Variants in FOXP1 observed in about 807,000 individuals in gnomAD.
The protein encoded by FOXP1 is forkhead box P1.
Under a neutral mutation model 98.2 loss-of-function variants are expected in FOXP1, and 15 were observed. The ratio of observed to expected loss-of-function variants is 0.15; its 90% CI spans 0.10 to 0.24. The LOEUF is 0.24. Ranked by LOEUF, FOXP1 falls within the 10% of genes least tolerant of loss-of-function variation. The pLI, the probability that FOXP1 is intolerant of heterozygous loss-of-function variation, is 1.00. For missense variants in FOXP1, 633 were observed against 848.5 expected (o/e 0.75, Z 3.15); for synonymous variants, 371 against 314.5 (o/e 1.18, Z -1.90).
At chr3:71,507,028 G>A (rs1276558666) in intron 2 of FOXP1, among the ~76,000 whole-genome samples, 1 of 152,084 alleles carries the variant, frequency 6.6e-6, no homozygotes, top group Non-Finnish European at 1.5e-5. Context: ...TCTTTGCTTG[G>A]ACCACACAAC....
At chr3:71,162,189 G>C (rs1250816027) in intron 6 of FOXP1, among the ~76,000 whole-genome samples, 3 of 152,188 alleles carry the variant, frequency 2.0e-5, no homozygotes, top group African/African-American at 7.2e-5. Flanking sequence ...CTGCTGAACA[G>C]GTAGCTCCTC....
intron 2 of FOXP1, among the ~76,000 whole-genome samples, chr3:71,498,925 C>G (rs910276230): frequency 2.0e-5 from 3 of 152,204 alleles, no homozygotes; most frequent in Non-Finnish European, 4.4e-5. Context: ...GCTCTATCCC[C>G]ACCCTGAAGA....
chr3:71,370,396 A>T (rs1200099389), intron 3 of FOXP1, among the ~76,000 whole-genome samples: 2 of 152,212 alleles, frequency 1.3e-5, no homozygotes, highest in Non-Finnish European at 2.9e-5. Context: ...AAATAGTACC[A>T]TGAGAAACGA....
intron 5 of FOXP1, among the ~76,000 whole-genome samples, chr3:71,254,719 T>C (rs1388701167): frequency 6.6e-6 from 1 of 152,224 alleles, no homozygotes; most frequent in Non-Finnish European, 1.5e-5. Context: ...TTTTCACATG[T>C]ACACTGGATT....
chr3:71,475,336 T>G (rs2089734964), intron 3 of FOXP1, among the ~76,000 whole-genome samples: 1 of 152,102 alleles, frequency 6.6e-6, no homozygotes, highest in Non-Finnish European at 1.5e-5. Flanking sequence ...TTTTAAGAAG[T>G]AATGATTAGC....
chr3:71,086,746 A>G (rs1181637293), intron 7 of FOXP1, among the ~76,000 whole-genome samples: 2 of 152,238 alleles, frequency 1.3e-5, no homozygotes, highest in African/African-American at 4.8e-5. Flanking sequence ...CCCAGAGGAA[A>G]GCAGAAAACC....
intron 3 of FOXP1, among the ~76,000 whole-genome samples, chr3:71,403,352 T>A (rs2082073268): frequency 6.6e-6 from 1 of 152,324 alleles, no homozygotes; most frequent in South Asian, 2.1e-4. Flanking sequence ...CAAAAAATGA[T>A]GTGGCTCATC....
intron 6 of FOXP1, chr3:71,130,613 A>G (rs2059513386): frequency 6.3e-7 from 1 of 1,598,234 alleles, no homozygotes; most frequent in Admixed American, 1.7e-5. Context: ...CGAGTGGTAA[A>G]AAAGATGTTT....
chr3:71,386,635 C>T (rs1374461412), intron 3 of FOXP1, among the ~76,000 whole-genome samples: 2 of 148,844 alleles, frequency 1.3e-5, no homozygotes, highest in South Asian at 2.1e-4. Flanking sequence ...CCCAGCTACT[C>T]GGGAGGCTGA....
At chr3:71,340,336 A>G (rs2076939418) in intron 4 of FOXP1, among the ~76,000 whole-genome samples, 2 of 152,248 alleles carry the variant, frequency 1.3e-5, no homozygotes, top group African/African-American at 4.8e-5. Context: ...CATTGAGTGT[A>G]TGGAGATGTT....
At chr3:70,972,479 A>G in intron 18 of FOXP1, 76 bp downstream of exon 18, 2 of 1,592,394 alleles carry the variant, frequency 1.3e-6, no homozygotes, top group Non-Finnish European at 8.6e-7. Context: ...AACACCATCT[A>G]GCAGCCAAAG....
At chr3:71,189,593 T>C (rs942201925) in intron 6 of FOXP1, among the ~76,000 whole-genome samples, 1 of 152,216 alleles carries the variant, frequency 6.6e-6, no homozygotes, top group African/African-American at 2.4e-5. Flanking sequence ...TGCCTCTCTC[T>C]TTCTGTTTCA....
At chr3:71,045,507 T>C (rs1330794002) in intron 10 of FOXP1, among the ~76,000 whole-genome samples, 1 of 152,202 alleles carries the variant, frequency 6.6e-6, no homozygotes, top group Non-Finnish European at 1.5e-5. Flanking sequence ...ACACACGCTA[T>C]GACATTCTGC....
At chr3:71,065,230 G>T (rs1363459094) in intron 7 of FOXP1, among the ~76,000 whole-genome samples, 1 of 151,942 alleles carries the variant, frequency 6.6e-6, no homozygotes. Context: ...GGCTCGGCGC[G>T]CACCGCTCCC....
chr3:71,256,052 G>C (rs1473252106), intron 5 of FOXP1, among the ~76,000 whole-genome samples: 1 of 152,164 alleles, frequency 6.6e-6, no homozygotes, highest in Non-Finnish European at 1.5e-5. Context: ...GTTGGACGAA[G>C]GTCTTCAGCA....
At chr3:71,022,328 G>A (rs1052055152) in intron 11 of FOXP1, among the ~76,000 whole-genome samples, 1 of 152,034 alleles carries the variant, frequency 6.6e-6, no homozygotes, top group Non-Finnish European at 1.5e-5. Context: ...CCAACATACT[G>A]CTCATGTTTT....
rs552537505 is a variant in FOXP1 at position 71,582,268 on chromosome 3, C to A, written c.-446-571G>T. On this transcript the variant is annotated intron_variant, in intron 1 of 20. Coordinates refer to ENST00000649528, the MANE Select transcript of FOXP1 (RefSeq NM_001349338.3). ...AGAAGAAGGAATCTAAGTTTCCGAGCGCGACGTTGTCTGAAAAGGAGGGAG... is the reference window on the plus strand; with the variant it reads ...AGAAGAAGGAATCTAAGTTTCCGAGAGCGACGTTGTCTGAAAAGGAGGGAG... 99 of 984,082 alleles carry A rather than the reference C, an allele frequency of 1.0e-4. No individual in the cohort carries two copies. In the African/African-American group the frequency reaches 1.6e-3, roughly 16 times the overall value. The allele number at this position is 984,082 out of a possible 1,614,324, so 61.0% of individuals were successfully genotyped here.
chr3:71,302,631 T>A (rs115347742), intron 4 of FOXP1: 1 of 152,122 alleles, frequency 6.6e-6, no homozygotes, highest in Non-Finnish European at 1.5e-5. Flanking sequence ...TTTCTCTTTC[T>A]TTTTTAAGTT....
At chr3:71,034,043 G>A (rs944603142) in intron 11 of FOXP1, among the ~76,000 whole-genome samples, 8 of 152,106 alleles carry the variant, frequency 5.3e-5, no homozygotes, top group South Asian at 2.1e-4. Flanking sequence ...TCCTCTTTCC[G>A]GTCCCCTACA....
Sources: gnomAD v4.1 joint callset for allele counts (sites outside exome capture counted in the v4.1 genomes callset) on GRCh38, gnomAD v4.1.1 for gene constraint, MANE v1.5 for transcripts, NCBI Gene and HGNC (gene_info 2026-07-23, HGNC 2026-07-21) for gene names.